Variants in NSD1 observed in about 807,000 individuals in gnomAD.
NSD1 encodes histone-lysine N-methyltransferase, H3 lysine-36 specific.
Under a neutral mutation model 242.7 loss-of-function variants are expected in NSD1, and 26 were observed. That is an observed-to-expected ratio of 0.11 (90% CI 0.08 to 0.15). The LOEUF is 0.15. Among genes scored for constraint, NSD1 ranks in the 10% least tolerant of loss-of-function variants. NSD1 has a pLI of 1.00. For synonymous variants in NSD1, 1,106 were observed against 1,178.1 expected (o/e 0.94, Z 1.25); for missense variants, 2,495 against 3,272.8 (o/e 0.76, Z 5.80).
chr5:177,219,885 C>T (rs1407586908), intron 5 of NSD1, among the ~76,000 whole-genome samples: 1 of 152,048 alleles, frequency 6.6e-6, no homozygotes, highest in Non-Finnish European at 1.5e-5. Context: ...CTGCTTGAAC[C>T]CAGGAGGTAG....
chr5:177,278,368 C>T (rs934276766), intron 17 of NSD1, among the ~76,000 whole-genome samples: 4 of 152,114 alleles, frequency 2.6e-5, no homozygotes, highest in Non-Finnish European at 4.4e-5. Context: ...TCTCAGCCTC[C>T]GAAAGTGCTG....
chr5:177,194,412 G>A (rs927439008), intron 3 of NSD1, among the ~76,000 whole-genome samples: 3 of 150,672 alleles, frequency 2.0e-5, no homozygotes, highest in African/African-American at 7.3e-5. Flanking sequence ...GGAATAGCTG[G>A]GAGCACAGAC....
chr5:177,134,970 C>T lies in NSD1; in HGVS notation c.-17-117C>T, dbSNP rs2149754961. On this transcript the variant is annotated intron_variant, in intron 1 of 22. Coordinates refer to ENST00000439151, the MANE Select transcript of NSD1 (RefSeq NM_022455.5). This position sits in a 1 kb window ranked among gnomAD's most constrained non-coding sequence, Gnocchi z 4.2. ...TCCAGTCGGGGGAACTTTTTCTGCC[C>T]ATGGAAGTGCAGCAGAAAGGCATAG... 2.3e-6 allele frequency: 2 copies of T among 875,956 alleles called. No individual in the cohort carries two copies. Among genetic ancestry groups the T allele is most frequent in the Admixed American group, 2.3e-5 (1 of 44,268 alleles). The allele number at this position is 875,956 out of a possible 1,614,324, so 54.3% of individuals were successfully genotyped here. A position where few individuals can be genotyped will look rare whatever the true frequency, so the allele number is the denominator to read the frequency against.
At chr5:177,258,894 G>C in intron 13 of NSD1, among the ~76,000 whole-genome samples, 1 of 152,114 alleles carries the variant, frequency 6.6e-6, no homozygotes, top group East Asian at 1.9e-4. Context: ...CTGTTGCCCA[G>C]TGTGATCTCA....
chr5:177,272,017 G>A (rs758303635), intron 16 of NSD1, among the ~76,000 whole-genome samples: 16 of 152,018 alleles, frequency 1.1e-4, no homozygotes, highest in Non-Finnish European at 1.3e-4. Context: ...CCAGCTACTC[G>A]GGAGGCTGAG....
intron 12 of NSD1, among the ~76,000 whole-genome samples, chr5:177,256,642 C>G (rs768218802): frequency 9.8e-5 from 15 of 152,326 alleles, no homozygotes; most frequent in South Asian, 4.1e-4. Flanking sequence ...CCTCTGTCAT[C>G]CATATTTCCT....
At chr5:177,218,973 G>A (rs142069612) in intron 5 of NSD1, among the ~76,000 whole-genome samples, 177 of 151,836 alleles carry the variant, frequency 1.2e-3, no homozygotes, top group African/African-American at 4.0e-3. Flanking sequence ...TTTTGCATCA[G>A]TATTTATAAA....
At position 177,181,715 on chromosome 5, in the gene NSD1, T is replaced by A. The variant is rs190665522; in HGVS notation, c.928-10169T>A. Among the ~76,000 whole-genome samples, 6 of 151,164 alleles carry A rather than the reference T, an allele frequency of 4.0e-5. No homozygotes were observed. In the East Asian group the frequency reaches 1.2e-3, roughly 31 times the overall value. Reference sequence around the variant, plus strand: ...TGCTGGGATTACAGGTGTGAGCCACTGTGCTTGGCTGCATTGTGGTCTTAC... The same window carrying A: ...TGCTGGGATTACAGGTGTGAGCCACAGTGCTTGGCTGCATTGTGGTCTTAC... On this transcript the variant is annotated intron_variant, in intron 2 of 22. Coordinates refer to ENST00000439151, the MANE Select transcript of NSD1 (RefSeq NM_022455.5).
chr5:177,223,193 T>C (rs1221895580), intron 5 of NSD1, among the ~76,000 whole-genome samples: 2 of 151,764 alleles, frequency 1.3e-5, no homozygotes, highest in African/African-American at 4.8e-5. Flanking sequence ...GGAGTTCTCA[T>C]GTCTCAGCCT....
At chr5:177,147,288 G>C (rs1243061083) in intron 2 of NSD1, among the ~76,000 whole-genome samples, 1 of 152,044 alleles carries the variant, frequency 6.6e-6, no homozygotes, top group Non-Finnish European at 1.5e-5. Flanking sequence ...GTATGTTTTT[G>C]TAGAGATGGG....
chr5:177,191,221 C>T (rs111788304), intron 2 of NSD1, among the ~76,000 whole-genome samples: 2 of 152,042 alleles, frequency 1.3e-5, no homozygotes, highest in Non-Finnish European at 2.9e-5. Flanking sequence ...CCACCTGCCT[C>T]GGCCTCCCAA....
intron 15 of NSD1, among the ~76,000 whole-genome samples, chr5:177,267,974 T>G (rs1170013254): frequency 6.7e-6 from 1 of 149,010 alleles, no homozygotes; most frequent in East Asian, 2.0e-4. Flanking sequence ...TTTTTTTAAA[T>G]GAAAAGACAG....
chr5:177,134,908 G>GGA lies in NSD1; in HGVS notation c.-17-177_-17-176dup, dbSNP rs1756182806. Among the ~76,000 whole-genome samples the GGA allele has an allele frequency of 6.6e-6, 1 of 152,176 alleles. No individual in the cohort carries two copies. Among genetic ancestry groups the GGA allele is most frequent in the Admixed American group, 6.5e-5 (1 of 15,270 alleles). ...AGGATCGGCCCAGCTTCGGGAAAAT[G>GGA]GAGTTTTCAGAGGCTCATCGAGGCC... On this transcript the variant is annotated intron_variant, in intron 1 of 22. Transcript: ENST00000439151. The surrounding 1 kb of genome is among the most constrained non-coding windows in gnomAD (Gnocchi z 4.2).
At chr5:177,257,487 T>C (rs1044293951) in intron 13 of NSD1, among the ~76,000 whole-genome samples, 1 of 152,150 alleles carries the variant, frequency 6.6e-6, no homozygotes, top group African/African-American at 2.4e-5. Flanking sequence ...TGCCTCGGCC[T>C]CCCAAAGTGC....
Position 177,192,032 on chromosome 5 carries a change from G to A in NSD1, c.1063+13G>A, listed in dbSNP as rs763418883. The A allele has an allele frequency of 3.1e-6, 5 of 1,613,358 alleles. No individual in the cohort carries two copies. Among genetic ancestry groups the A allele is most frequent in the Non-Finnish European group, 3.4e-6 (4 of 1,179,538 alleles). On this transcript the variant is annotated intron_variant, in intron 3 of 22. Transcript: ENST00000439151. The stretch of plus-strand genomic sequence containing the variant: ...TCAAAAATGAAAGGTAATACTTGCA[G>A]TGATTATACATGTTAAAGGCAGTTG...
chr5:177,231,855 CTT>C lies in NSD1; in HGVS notation c.3797-3963_3797-3962del, dbSNP rs1306254135. On this transcript the variant is annotated intron_variant, in intron 5 of 22. Transcript: ENST00000439151. ...CTGCCTTTTGCATACATGACATACA[CTT>C]TTATGTTATTGGGATAATGACATAT... Among the ~76,000 whole-genome samples the C allele has an allele frequency of 2.0e-5, 3 of 151,990 alleles. No individual in the cohort carries two copies. The East Asian group carries it at 5.8e-4, about 29-fold the overall frequency.
intron 2 of NSD1, among the ~76,000 whole-genome samples, chr5:177,141,091 C>T (rs553850901): frequency 8.6e-5 from 13 of 150,760 alleles, no homozygotes; most frequent in South Asian, 2.1e-4. Flanking sequence ...GGGGCGATCT[C>T]GGCTCACTGC....
chr5:177,215,564 G>A (rs11960792), intron 5 of NSD1, among the ~76,000 whole-genome samples: 3,901 of 150,982 alleles, frequency 0.026, 49 homozygotes, highest in African/African-American at 0.03. Flanking sequence ...TTTGAGACAA[G>A]GGTCTCCCTC....
intron 15 of NSD1, among the ~76,000 whole-genome samples, chr5:177,268,473 A>G (rs1757696984): frequency 6.6e-6 from 1 of 152,046 alleles, no homozygotes; most frequent in African/African-American, 2.4e-5. Context: ...TTAAAGTATA[A>G]TAATAATAAA....
Sources: gnomAD v4.1 joint callset for allele counts (sites outside exome capture counted in the v4.1 genomes callset) on GRCh38, gnomAD v4.1.1 for gene constraint, Gnocchi (gnomAD v3.1) non-coding constraint, MANE v1.5 for transcripts, NCBI Gene and HGNC (gene_info 2026-07-23, HGNC 2026-07-21) for gene names.